WDR41: variants seen among roughly 807,000 people sequenced by gnomAD.
The protein encoded by WDR41 is WD repeat domain 41.
WDR41 carries 63 observed loss-of-function variants against 69.3 expected under a neutral mutation model. The ratio of observed to expected loss-of-function variants is 0.91; its 90% CI spans 0.74 to 1.12. The LOEUF is 1.12. Among genes scored for constraint, WDR41 ranks in the 50% most tolerant of loss-of-function variants. The probability of loss-of-function intolerance (pLI) is 0.00; values close to 1 mark genes in which losing one functional copy is unlikely to be tolerated. For synonymous variants in WDR41, 185 were observed against 192.1 expected (o/e 0.96, Z 0.31); for missense variants, 543 against 534.5 (o/e 1.02, Z -0.16).
intron 1 of WDR41, among the ~76,000 whole-genome samples, chr5:77,521,158 C>T (rs1167307983): frequency 6.6e-6 from 1 of 152,158 alleles, no homozygotes; most frequent in Admixed American, 6.5e-5. Context: ...GACAATTTTT[C>T]CATGCTGGGG....
chr5:77,486,260 C>T (rs923132386), intron 2 of WDR41, among the ~76,000 whole-genome samples: 16 of 152,060 alleles, frequency 1.1e-4, no homozygotes, highest in African/African-American at 3.4e-4. Context: ...AGCAAATGAC[C>T]GAAAAACTTC....
chr5:77,444,888 T>G (rs1439021197), intron 8 of WDR41, among the ~76,000 whole-genome samples: 1 of 152,010 alleles, frequency 6.6e-6, no homozygotes, highest in African/African-American at 2.4e-5. Flanking sequence ...GTTTATAAAG[T>G]AAAAAGTACT....
At chr5:77,449,991 T>A in intron 7 of WDR41, 121 bp from the exon 8 acceptor site, 1 of 673,470 alleles carries the variant, frequency 1.5e-6, no homozygotes, top group Non-Finnish European at 2.5e-6. Context: ...AAAACCCATC[T>A]CCAAAAAAAA....
chr5:77,587,420 C>T (rs963005470), intron 1 of WDR41, among the ~76,000 whole-genome samples: 1 of 152,162 alleles, frequency 6.6e-6, no homozygotes, highest in Admixed American at 6.5e-5. Flanking sequence ...GTAAACACTT[C>T]CAGATAATTT....
At chr5:77,449,937 T>TA in intron 7 of WDR41, 67 bp from the exon 8 acceptor site, 6 of 1,073,312 alleles carry the variant, frequency 5.6e-6, no homozygotes, top group Non-Finnish European at 8.3e-6. Flanking sequence ...ACTCCTGCTC[T>TA]AAAAACAAGC....
chr5:77,531,105 T>G (rs1248842972), intron 1 of WDR41, among the ~76,000 whole-genome samples: 1 of 151,840 alleles, frequency 6.6e-6, no homozygotes. Context: ...GCAATGGATT[T>G]CTAGATATAA....
At chr5:77,598,742 T>A (rs1744270377) in intron 1 of WDR41, among the ~76,000 whole-genome samples, 1 of 151,504 alleles carries the variant, frequency 6.6e-6, no homozygotes, top group Non-Finnish European at 1.5e-5. Flanking sequence ...TGCTTGTTCA[T>A]AGGCTCAACC....
At chr5:77,553,465 C>T (rs1442649716) in intron 1 of WDR41, among the ~76,000 whole-genome samples, 1 of 152,190 alleles carries the variant, frequency 6.6e-6, no homozygotes, top group African/African-American at 2.4e-5. Context: ...AAAGACCCCA[C>T]CTCTCAATAC....
chr5:77,464,265 A>G (rs951548643), intron 3 of WDR41, among the ~76,000 whole-genome samples: 2 of 145,282 alleles, frequency 1.4e-5, no homozygotes, highest in African/African-American at 5.1e-5. Context: ...TTTGTTTCTT[A>G]GGAAAAAACT....
intron 1 of WDR41, among the ~76,000 whole-genome samples, chr5:77,585,458 C>G (rs1488149020): frequency 6.6e-6 from 1 of 152,158 alleles, no homozygotes; most frequent in Non-Finnish European, 1.5e-5. Flanking sequence ...TTTGATGCAG[C>G]AATCCCACTA....
intron 1 of WDR41, among the ~76,000 whole-genome samples, chr5:77,573,630 A>G (rs6453325): frequency 0.032 from 4,894 of 152,242 alleles, 248 homozygotes; most frequent in African/African-American, 0.11. Flanking sequence ...TATAGCCACT[A>G]AAGTATGCAC....
At chr5:77,535,376 C>G (rs1385758000) in intron 1 of WDR41, among the ~76,000 whole-genome samples, 2 of 152,104 alleles carry the variant, frequency 1.3e-5, no homozygotes, top group African/African-American at 4.8e-5. Flanking sequence ...TTTAGAATGT[C>G]AAAAGTCATG....
rs2112116999 is a variant in WDR41 at position 77,489,580 on chromosome 5, TGA to T, written c.52-10_52-9del. ...TGTCTGTAAAGGAGATTTCTTGTATTGAAAAAAAAAAAAAAGCAAAAAACAAA... is the reference window on the plus strand; with the variant it reads ...TGTCTGTAAAGGAGATTTCTTGTATTAAAAAAAAAAAAAGCAAAAAACAAA... On this transcript the variant is annotated splice_polypyrimidine_tract_variant and intron_variant, in intron 1 of 12. Transcript: ENST00000296679. 1 of 1,368,140 alleles carries T rather than the reference TGA, an allele frequency of 7.3e-7. No individual in the cohort carries two copies. 84.8% of individuals were successfully genotyped at this position (1,368,140 alleles called of 1,614,324 possible).
intron 1 of WDR41, among the ~76,000 whole-genome samples, chr5:77,560,492 C>T (rs1048873198): frequency 1.3e-5 from 2 of 151,980 alleles, no homozygotes; most frequent in Non-Finnish European, 2.9e-5. Flanking sequence ...TAAAATTAAA[C>T]ACGGATTATT....
intron 4 of WDR41, 106 bp downstream of exon 4, chr5:77,462,989 A>T: frequency 7.9e-7 from 1 of 1,263,472 alleles, no homozygotes; most frequent in Non-Finnish European, 1.1e-6. Flanking sequence ...CATTTTTGCT[A>T]TAACAAGAAT....
intron 2 of WDR41, among the ~76,000 whole-genome samples, chr5:77,469,987 A>G (rs1800499917): frequency 6.6e-6 from 1 of 151,052 alleles, no homozygotes; most frequent in Non-Finnish European, 1.5e-5. Context: ...CAGATTCACC[A>G]AAGTTGAAAT....
chr5:77,533,598 A>T (rs7444908), intron 1 of WDR41, among the ~76,000 whole-genome samples: 1 of 151,916 alleles, frequency 6.6e-6, no homozygotes, highest in Non-Finnish European at 1.5e-5. Context: ...AGTGGAAACA[A>T]GGCTCAGGAT....
In WDR41 at chr5:77,433,061, T is replaced by C; in HGVS notation, c.*74A>G. The C allele has an allele frequency of 6.9e-7, 1 of 1,453,512 alleles. No homozygotes were observed. 90.0% of individuals were successfully genotyped at this position (1,453,512 alleles called of 1,614,324 possible). On this transcript the variant is annotated 3_prime_UTR_variant, in exon 13 of 13. Transcript: ENST00000296679. Reference sequence around the variant, plus strand: ...AAATTACCAATTTAAGTGATCAATATATTAATGGTTTTCAGAGTAGTACCC... The same window carrying C: ...AAATTACCAATTTAAGTGATCAATACATTAATGGTTTTCAGAGTAGTACCC...
chr5:77,486,291 T>A (rs1044137407), intron 2 of WDR41, among the ~76,000 whole-genome samples: 1 of 152,180 alleles, frequency 6.6e-6, no homozygotes, highest in African/African-American at 2.4e-5. Context: ...ATATGTAAAT[T>A]TGATGACTTT....
Sources: gnomAD v4.1 joint callset for allele counts (sites outside exome capture counted in the v4.1 genomes callset) on GRCh38, gnomAD v4.1.1 for gene constraint, MANE v1.5 for transcripts, NCBI Gene and HGNC (gene_info 2026-07-23, HGNC 2026-07-21) for gene names.